The following SDHB variants were observed in gnomAD, a reference collection of about 807,000 sequenced individuals.
SDHB encodes succinate dehydrogenase complex iron sulfur subunit B.
Under a neutral mutation model 39.7 loss-of-function variants are expected in SDHB, and 21 were observed. The observed-to-expected ratio is 0.53, with a 90% CI of 0.37 to 0.76. SDHB has a LOEUF of 0.76. Among genes scored for constraint, SDHB ranks in the 30% least tolerant of loss-of-function variants. SDHB has a pLI of 0.00. For missense variants in SDHB, 343 were observed against 350.9 expected (o/e 0.98, Z 0.18); for synonymous variants, 118 against 117.0 (o/e 1.01, Z -0.06).
chr1:17,025,410 C>CT (rs35841405), intron 5 of SDHB, among the ~76,000 whole-genome samples: 81 of 125,974 alleles, frequency 6.4e-4, no homozygotes, highest in East Asian at 1.4e-3. Context: ...ATTATAAATT[C>CT]TTTTTTTTTT....
Position 17,028,745 on chromosome 1 carries a change from G to T in SDHB, c.287-9C>A, listed in dbSNP as rs775784091. On this transcript the variant is annotated splice_polypyrimidine_tract_variant and intron_variant, in intron 3 of 7. Coordinates refer to ENST00000375499, the MANE Select transcript of SDHB (RefSeq NM_003000.3). ...ACAAGAGCCACAGATGCCTGAAAGA[G>T]ACACACATTTAACACATCCTCACCC... The T allele has an allele frequency of 7.4e-6, 12 of 1,613,510 alleles. No individual in the cohort carries two copies. In the South Asian group the frequency reaches 1.3e-4, roughly 18 times the overall value.
intron 7 of SDHB, among the ~76,000 whole-genome samples, chr1:17,019,250 G>A (rs1442252982): frequency 6.6e-6 from 1 of 152,154 alleles, no homozygotes; most frequent in African/African-American, 2.4e-5. Context: ...CTCTCTGACT[G>A]CTCAAAGACA....
intron 7 of SDHB, among the ~76,000 whole-genome samples, chr1:17,019,802 T>C (rs528348706): frequency 1.3e-5 from 2 of 152,296 alleles, no homozygotes; most frequent in South Asian, 4.2e-4. Flanking sequence ...AGTGTGATCA[T>C]AGTTCACTGT....
At chr1:17,039,731 C>T (rs2078070394) in intron 2 of SDHB, among the ~76,000 whole-genome samples, 1 of 152,176 alleles carries the variant, frequency 6.6e-6, no homozygotes, top group South Asian at 2.1e-4. Flanking sequence ...AAGAATCCTG[C>T]TACATTATTA....
At chr1:17,034,785 G>A (rs539357772) in intron 2 of SDHB, among the ~76,000 whole-genome samples, 2 of 152,292 alleles carry the variant, frequency 1.3e-5, no homozygotes, top group East Asian at 3.9e-4. Flanking sequence ...TGATACTGGA[G>A]AAGTGTTATT....
At chr1:17,037,436 G>A (rs936296469) in intron 2 of SDHB, among the ~76,000 whole-genome samples, 5 of 142,030 alleles carry the variant, frequency 3.5e-5, no homozygotes, top group African/African-American at 5.1e-5. Context: ...CAAGTAGCTC[G>A]GACTACAGGA....
chr1:17,034,018 T>C (rs1449461076), intron 2 of SDHB, among the ~76,000 whole-genome samples: 2 of 152,248 alleles, frequency 1.3e-5, no homozygotes, highest in Middle Eastern at 3.2e-3. Context: ...GTACCTGGCA[T>C]ACAGTAAGTG....
intron 7 of SDHB, among the ~76,000 whole-genome samples, chr1:17,020,048 G>A (rs1419185275): frequency 3.3e-5 from 5 of 152,188 alleles, no homozygotes; most frequent in Non-Finnish European, 7.3e-5. Context: ...AGACAGAAGA[G>A]GACACATATG....
chr1:17,036,007 A>G (rs935281108), intron 2 of SDHB, among the ~76,000 whole-genome samples: 5 of 152,162 alleles, frequency 3.3e-5, no homozygotes, highest in Non-Finnish European at 5.9e-5. Context: ...CCTAATAGGT[A>G]GGGCTCATTA....
intron 1 of SDHB, among the ~76,000 whole-genome samples, chr1:17,050,513 C>T (rs2078139988): frequency 1.3e-5 from 2 of 151,598 alleles, no homozygotes; most frequent in Admixed American, 1.3e-4. Context: ...TAGACAGGCA[C>T]GATGGCGGGC....
chr1:17,022,853 C>T (rs890566889), intron 6 of SDHB, 123 bp from the exon 7 acceptor site: 36 of 1,194,028 alleles, frequency 3.0e-5, no homozygotes, highest in Non-Finnish European at 4.3e-5. Flanking sequence ...GCCTCATCTC[C>T]ATACTCTTTA....
At chr1:17,051,153 A>G (rs1385580801) in intron 1 of SDHB, among the ~76,000 whole-genome samples, 2 of 152,244 alleles carry the variant, frequency 1.3e-5, no homozygotes, top group African/African-American at 4.8e-5. Context: ...TCATACAATG[A>G]GACTATATGA....
intron 2 of SDHB, among the ~76,000 whole-genome samples, chr1:17,038,721 G>A (rs78777285): frequency 2.5e-3 from 387 of 152,296 alleles, no homozygotes; most frequent in African/African-American, 9.0e-3. Context: ...GGCTGATGAA[G>A]TTCCCTTCTT....
chr1:17,029,137 ACT>A (rs1331555361), intron 3 of SDHB, among the ~76,000 whole-genome samples: 1 of 109,726 alleles, frequency 9.1e-6, no homozygotes, highest in Non-Finnish European at 1.7e-5. Flanking sequence ...AAAGGGTCTC[ACT>A]CTGTCACCCA....
At chr1:17,047,229 G>C (rs1013437358) in intron 1 of SDHB, among the ~76,000 whole-genome samples, 1 of 151,812 alleles carries the variant, frequency 6.6e-6, no homozygotes, top group African/African-American at 2.4e-5. Flanking sequence ...GGTGGCACAT[G>C]TCTGTAATCC....
chr1:17,044,371 C>A (rs1048220137), intron 2 of SDHB, among the ~76,000 whole-genome samples: 3 of 150,524 alleles, frequency 2.0e-5, no homozygotes, highest in Non-Finnish European at 4.4e-5. Context: ...GTTGCCCAGG[C>A]TGGAGTGCAA....
rs781590955 is a variant in SDHB, at chr1:17,023,974, T to G, written c.641A>C (p.Gln214Pro). 2 of 1,610,060 alleles carry G rather than the reference T, an allele frequency of 1.2e-6. No homozygotes were observed. Among genetic ancestry groups the G allele is most frequent in the Admixed American group, 1.7e-5 (1 of 60,010 alleles). The stretch of plus-strand genomic sequence containing the variant: ...TAAAGCAATTAAGGAGCACCTCACC[T>G]GCATAAGAACTGCAGGCCCCAGATA... ...DKYLGPAVLM[Q>P]AYRWMIDSRD... The change falls in exon 6 of 8, where the codon CAG (glutamine) becomes CCG (proline). Residue 214 changes from glutamine to proline, a missense_variant and splice_region_variant. Transcript: ENST00000375499.
chr1:17,049,677 T>TTTTTG (rs1009759642), intron 1 of SDHB, among the ~76,000 whole-genome samples: 6 of 108,982 alleles, frequency 5.5e-5, no homozygotes, highest in East Asian at 2.5e-4. Flanking sequence ...TTTTTTTTTT[T>TTTTTG]GTGAGACAGT....
At chr1:17,037,333 C>T (rs1458413990) in intron 2 of SDHB, among the ~76,000 whole-genome samples, 3 of 151,454 alleles carry the variant, frequency 2.0e-5, no homozygotes, top group Admixed American at 1.3e-4. Flanking sequence ...CAGCGTCTCC[C>T]TCTGTTGCCC....
Sources: gnomAD v4.1 joint callset for allele counts (sites outside exome capture counted in the v4.1 genomes callset) on GRCh38, gnomAD v4.1.1 for gene constraint, MANE v1.5 for transcripts, NCBI Gene and HGNC (gene_info 2026-07-23, HGNC 2026-07-21) for gene names.